The following KCNH1 variants were observed in gnomAD, a reference collection of about 807,000 sequenced individuals.
The protein encoded by KCNH1 is voltage-gated delayed rectifier potassium channel KCNH1.
KCNH1 carries 27 observed loss-of-function variants against 69.2 expected under a neutral mutation model. The observed-to-expected ratio is 0.39, with a 90% confidence interval of 0.29 to 0.54. The LOEUF is 0.54. Ranked by LOEUF, KCNH1 falls within the 20% of genes least tolerant of loss-of-function variation. The pLI is 0.68. For missense variants in KCNH1, 798 were observed against 1,261.6 expected (o/e 0.63, Z 5.57); for synonymous variants, 456 against 487.7 (o/e 0.93, Z 0.86).
At chr1:210,772,462 GAAGGAC>G (rs1683770595) in intron 10 of KCNH1, among the ~76,000 whole-genome samples, 1 of 150,550 alleles carries the variant, frequency 6.6e-6, no homozygotes, top group Non-Finnish European at 1.5e-5. Context: ...TTAATTCTCA[GAAGGAC>G]ACAATGAGAG....
At chr1:210,729,695 A>G (rs912789600) in intron 10 of KCNH1, among the ~76,000 whole-genome samples, 1 of 152,256 alleles carries the variant, frequency 6.6e-6, no homozygotes, top group Non-Finnish European at 1.5e-5. Flanking sequence ...ACCTTGTTCA[A>G]TAACAGATTC....
At chr1:211,128,737 A>G (rs966720181) in intron 1 of KCNH1, among the ~76,000 whole-genome samples, 1 of 152,178 alleles carries the variant, frequency 6.6e-6, no homozygotes, top group African/African-American at 2.4e-5. Context: ...ACAATGCAAA[A>G]CTTATCAAAA....
intron 6 of KCNH1, among the ~76,000 whole-genome samples, chr1:210,987,676 G>A (rs1688866830): frequency 6.6e-6 from 1 of 152,168 alleles, no homozygotes; most frequent in Non-Finnish European, 1.5e-5. Flanking sequence ...GGCCGTGTGA[G>A]GTGTCAGTCT....
rs1681217122 is a variant in KCNH1, at chr1:210,679,674, C to G, written c.*3607G>C. 6.6e-6 allele frequency: 1 copy of G among 152,154 alleles called. No individual in the cohort carries two copies. Among genetic ancestry groups the G allele is most frequent in the African/African-American group, 2.4e-5 (1 of 41,420 alleles). The allele number at this position is 152,154 out of a possible 1,614,324, so 9.4% of individuals were successfully genotyped here. On this transcript the variant is annotated 3_prime_UTR_variant, in exon 11 of 11. Transcript: ENST00000271751. ...CTGAATGGGATGGGGTGGTATAGTA[C>G]ATTTTTACCCCTGCCCAGCCCTCCC...
At chr1:210,792,111 C>G (rs1433694684) in intron 9 of KCNH1, among the ~76,000 whole-genome samples, 1 of 152,110 alleles carries the variant, frequency 6.6e-6, no homozygotes, top group Non-Finnish European at 1.5e-5. Flanking sequence ...GCCCTGTTGA[C>G]TTCTCCAGTC....
chr1:210,884,408 G>A (rs1686560359), intron 7 of KCNH1, among the ~76,000 whole-genome samples: 1 of 152,222 alleles, frequency 6.6e-6, no homozygotes, highest in South Asian at 2.1e-4. Context: ...GAGCCTGTGA[G>A]AATCCCATGA....
intron 7 of KCNH1, among the ~76,000 whole-genome samples, chr1:210,846,395 G>A (rs1442147741): frequency 6.6e-6 from 1 of 152,042 alleles, no homozygotes; most frequent in Non-Finnish European, 1.5e-5. Context: ...TAGATCAATG[G>A]AACAGAACAG....
intron 7 of KCNH1, among the ~76,000 whole-genome samples, chr1:210,852,278 C>T (rs1180389875): frequency 6.6e-6 from 1 of 152,036 alleles, no homozygotes; most frequent in Admixed American, 6.6e-5. Flanking sequence ...TTCAAAAGCT[C>T]AAAGAAGCTC....
intron 10 of KCNH1, among the ~76,000 whole-genome samples, chr1:210,736,602 GA>G (rs1190910134): frequency 1.3e-5 from 2 of 151,776 alleles, no homozygotes; most frequent in Admixed American, 1.3e-4. Flanking sequence ...ATCTGCCCTT[GA>G]AAACATCTAG....
At chr1:210,863,988 G>A (rs1025073485) in intron 7 of KCNH1, among the ~76,000 whole-genome samples, 12 of 152,242 alleles carry the variant, frequency 7.9e-5, no homozygotes, top group Non-Finnish European at 1.6e-4. Context: ...CTGCTAACTA[G>A]AGGTGCCATG....
At chr1:211,014,721 A>C (rs1689460487) in intron 6 of KCNH1, among the ~76,000 whole-genome samples, 2 of 152,192 alleles carry the variant, frequency 1.3e-5, no homozygotes, top group Non-Finnish European at 1.5e-5. Flanking sequence ...CACTGGCATA[A>C]TTTTGAGAAC....
rs142521658 is a variant in KCNH1 at position 211,074,501 on chromosome 1, G to A, written c.558+8279C>T. Among the ~76,000 whole-genome samples the A allele has an allele frequency of 2.6e-3, 400 of 152,204 alleles. 2 individuals carry two copies. Among genetic ancestry groups the A allele is most frequent in the Admixed American group, 4.9e-3 (75 of 15,276 alleles). On this transcript the variant is annotated intron_variant, in intron 5 of 10. Coordinates refer to ENST00000271751, the MANE Select transcript of KCNH1 (RefSeq NM_172362.3). Reference sequence around the variant, plus strand: ...ATTGTACGTACAGTAATTGTATCACGTTAGATGGAAGTATGATTTTCTTAT... The same window carrying A: ...ATTGTACGTACAGTAATTGTATCACATTAGATGGAAGTATGATTTTCTTAT...
intron 7 of KCNH1, chr1:210,860,476 T>A: frequency 1.2e-6 from 1 of 850,136 alleles, no homozygotes; most frequent in African/African-American, 1.7e-5. Flanking sequence ...TGCTTTGTCA[T>A]CACTACCTTC....
chr1:211,067,840 G>C lies in KCNH1; in HGVS notation c.558+14940C>G, dbSNP rs73073491. Among the ~76,000 whole-genome samples, 603 of 152,258 alleles carry C rather than the reference G, an allele frequency of 4.0e-3. 6 individuals carry two copies. The highest frequency in any genetic ancestry group is 0.014 in the African/African-American group (563 of 41,526). On this transcript the variant is annotated intron_variant, in intron 5 of 10. Transcript: ENST00000271751. ...AGGTAAACCTGGTTCTCATTCCAGAGTCCACCACTTACCACCAGGTGACCT... is the reference window on the plus strand; with the variant it reads ...AGGTAAACCTGGTTCTCATTCCAGACTCCACCACTTACCACCAGGTGACCT...
chr1:211,047,281 C>T (rs1690109632), intron 5 of KCNH1, among the ~76,000 whole-genome samples: 1 of 152,116 alleles, frequency 6.6e-6, no homozygotes, highest in East Asian at 1.9e-4. Context: ...CAAATATAGG[C>T]ATTGGTCTCA....
rs1202541585 is a variant in KCNH1, at chr1:210,806,806, CCAAAAAAAAAAA to C, written c.1463-2652_1463-2641del. ...CCAATATGGTGAAACCCCATCTCTA[CCAAAAAAAAAAA>C]AAAAAAAAAAAAAAAAAAATATATA... On this transcript the variant is annotated intron_variant, in intron 7 of 10. Coordinates refer to ENST00000271751, the MANE Select transcript of KCNH1 (RefSeq NM_172362.3). Among the ~76,000 whole-genome samples, 446 of 86,182 alleles carry C rather than the reference CCAAAAAAAAAAA, an allele frequency of 5.2e-3. 59 individuals are homozygous for C. The highest frequency in any genetic ancestry group is 0.015 in the African/African-American group (298 of 19,730). 56.5% of individuals were successfully genotyped at this position (86,182 alleles called of 152,430 possible). A position where few individuals can be genotyped will look rare whatever the true frequency, so the allele number is the denominator to read the frequency against.
intron 10 of KCNH1, among the ~76,000 whole-genome samples, chr1:210,746,640 TGGGTTCAA>T (rs751554660): frequency 2.0e-5 from 3 of 151,986 alleles, no homozygotes; most frequent in Non-Finnish European, 4.4e-5. Context: ...CTCCACCTCA[TGGGTTCAA>T]GCGATTATCC....
intron 10 of KCNH1, among the ~76,000 whole-genome samples, chr1:210,711,233 C>T (rs1311963322): frequency 6.6e-6 from 1 of 152,236 alleles, no homozygotes; most frequent in African/African-American, 2.4e-5. Context: ...CATACCTGGC[C>T]TGCCAGAAAT....
intron 9 of KCNH1, among the ~76,000 whole-genome samples, chr1:210,776,491 TA>T (rs1310590772): frequency 1.3e-5 from 2 of 152,082 alleles, no homozygotes; most frequent in African/African-American, 4.8e-5. Flanking sequence ...GGGAGGTAAT[TA>T]AGTCATGGGG....
Sources: allele counts gnomAD v4.1 joint callset (sites outside exome capture counted in the v4.1 genomes callset), GRCh38; gene constraint gnomAD v4.1.1; transcripts MANE v1.5; gene names NCBI Gene and HGNC (gene_info 2026-07-23, HGNC 2026-07-21).